FAR2: variants seen among roughly 807,000 people sequenced by gnomAD.
FAR2 encodes the protein fatty acyl-CoA reductase 2, also known as epididymis secretory protein Li 81.
Under a neutral mutation model 56.0 loss-of-function variants are expected in FAR2, and 19 were observed. The ratio of observed to expected loss-of-function variants is 0.34; its 90% CI spans 0.24 to 0.50. FAR2 has a LOEUF of 0.50. Ranked by LOEUF, FAR2 falls within the 20% of genes least tolerant of loss-of-function variation. The pLI, the probability that FAR2 is intolerant of heterozygous loss-of-function variation, is 0.98. For synonymous variants in FAR2, 219 were observed against 218.8 expected, an observed-to-expected ratio of 1.00 and a Z score of -0.01; for missense variants, 508 against 642.2, an observed-to-expected ratio of 0.79 and a Z score of 2.26.
At chr12:29,159,268 G>A (rs1408515367) in intron 1 of FAR2, among the ~76,000 whole-genome samples, 1 of 152,146 alleles carries the variant, frequency 6.6e-6, no homozygotes, top group African/African-American at 2.4e-5. Flanking sequence ...GCCGGGCACG[G>A]TGGCTCATGC....
chr12:29,162,234 C>T (rs971241979), intron 1 of FAR2, among the ~76,000 whole-genome samples: 1 of 152,172 alleles, frequency 6.6e-6, no homozygotes, highest in Non-Finnish European at 1.5e-5. Context: ...AAAAGTTATA[C>T]TATCCATCTG....
rs913846087 is a variant in FAR2 at position 29,240,804 on chromosome 12, T to A, written c.-38-29608T>A. Among the ~76,000 whole-genome samples the A allele has an allele frequency of 4.0e-5, 6 of 151,566 alleles. No individual in the cohort carries two copies. The East Asian group carries it at 7.7e-4, about 20-fold the overall frequency. On this transcript the variant is annotated intron_variant, in intron 1 of 11. Transcript: ENST00000536681. ...TTGTGTGTGTGTGTGTATGTATATT[T>A]TTTTTTATATATTTTTTTTGAGACT...
chr12:29,232,176 A>C (rs1947869824), intron 1 of FAR2, among the ~76,000 whole-genome samples: 1 of 152,154 alleles, frequency 6.6e-6, no homozygotes, highest in Admixed American at 6.5e-5. Context: ...TTCTTCAGAG[A>C]CATTTTCTCA....
chr12:29,258,306 G>A (rs186753343), intron 1 of FAR2, among the ~76,000 whole-genome samples: 1 of 152,180 alleles, frequency 6.6e-6, no homozygotes, highest in Admixed American at 6.5e-5. Flanking sequence ...AGTGAGCCGA[G>A]ATCGCACCAC....
At position 29,302,236 on chromosome 12, in the gene FAR2, GAAAAAA is replaced by G. The variant is rs57752714; in HGVS notation, c.545+5057_545+5062del. ...GACAGAGCGAGACTCCATCTCAAAG[GAAAAAA>G]AAAAAAAAAAAAAAAAAAAAGGTGC... On this transcript the variant is annotated intron_variant, in intron 4 of 11. Transcript: ENST00000536681. 5.4e-3 allele frequency among the ~76,000 whole-genome samples: 500 copies of G among 93,066 alleles called. 2 individuals carry two copies. The highest frequency in any genetic ancestry group is 8.1e-3 in the East Asian group (25 of 3,084). The allele number at this position is 93,066 out of a possible 152,430, so 61.1% of individuals were successfully genotyped here.
At chr12:29,277,639 T>G (rs1318565421) in intron 2 of FAR2, 1 of 152,186 alleles carries the variant, frequency 6.6e-6, no homozygotes, top group Non-Finnish European at 1.5e-5. Flanking sequence ...ACGCCTGCTT[T>G]AAAATTATCT....
chr12:29,308,681 GACACACAGACAC>G (rs1240149531), intron 5 of FAR2, among the ~76,000 whole-genome samples: 1 of 60,796 alleles, frequency 1.6e-5, no homozygotes, highest in Non-Finnish European at 2.9e-5. Flanking sequence ...TATACACACA[GACACACAGACAC>G]ACACACACAC....
rs146154513 is a variant in FAR2 at position 29,215,136 on chromosome 12, T to C, written c.-38-55276T>C. On this transcript the variant is annotated intron_variant, in intron 1 of 11. Coordinates refer to ENST00000536681, the MANE Select transcript of FAR2 (RefSeq NM_001271783.2). Reference sequence around the variant, plus strand: ...CTACAGTGTAGTCATGAGAGAGAAATGGATATGTAATGAGAGACAGCTCAT... The same window carrying C: ...CTACAGTGTAGTCATGAGAGAGAAACGGATATGTAATGAGAGACAGCTCAT... Among the ~76,000 whole-genome samples the C allele has an allele frequency of 3.4e-3, 518 of 152,194 alleles. 6 individuals are homozygous for C. The highest frequency in any genetic ancestry group is 0.012 in the African/African-American group (493 of 41,540).
rs937775552 is a variant in FAR2, at chr12:29,166,135, G to T, written c.-39+16728G>T. Among the ~76,000 whole-genome samples, 18 of 152,310 alleles carry T rather than the reference G, an allele frequency of 1.2e-4. No homozygotes were observed. In the East Asian group the frequency reaches 2.7e-3, roughly 23 times the overall value. ...TTTTTGTGAGAAGATACTGAAATAT[G>T]TGCATGAAATGCTTTGAGAATTGTT... On this transcript the variant is annotated intron_variant, in intron 1 of 11. Coordinates refer to ENST00000536681, the MANE Select transcript of FAR2 (RefSeq NM_001271783.2).
intron 2 of FAR2, among the ~76,000 whole-genome samples, chr12:29,287,251 G>A (rs529640708): frequency 8.5e-5 from 13 of 152,270 alleles, no homozygotes; most frequent in African/African-American, 2.9e-4. Context: ...GCTATATGCC[G>A]AAAGTTGACA....
intron 2 of FAR2, among the ~76,000 whole-genome samples, chr12:29,273,619 C>T (rs940857830): frequency 1.3e-5 from 2 of 152,246 alleles, no homozygotes; most frequent in Admixed American, 1.3e-4. Context: ...TGGCTGCTGC[C>T]CCTCCCCCAA....
chr12:29,213,888 A>G (rs1212110642), intron 1 of FAR2, among the ~76,000 whole-genome samples: 1 of 152,122 alleles, frequency 6.6e-6, no homozygotes. Flanking sequence ...AAGATGGCAA[A>G]CTTTGTGGCA....
intron 1 of FAR2, among the ~76,000 whole-genome samples, chr12:29,261,266 G>C (rs1179742436): frequency 6.6e-6 from 1 of 152,142 alleles, no homozygotes; most frequent in Non-Finnish European, 1.5e-5. Context: ...AGAAATTCTG[G>C]AGCTGAAAAA....
At chr12:29,281,553 A>T (rs1948783265) in intron 2 of FAR2, 1 of 152,222 alleles carries the variant, frequency 6.6e-6, no homozygotes, top group African/African-American at 2.4e-5. Context: ...CTGCAAGAGT[A>T]AAGACGGAAA....
At chr12:29,228,921 C>T (rs1179365038) in intron 1 of FAR2, among the ~76,000 whole-genome samples, 1 of 152,140 alleles carries the variant, frequency 6.6e-6, no homozygotes, top group Non-Finnish European at 1.5e-5. Context: ...AAGAAAAACA[C>T]GGAGACTTAA....
intron 1 of FAR2, among the ~76,000 whole-genome samples, chr12:29,229,263 G>A (rs1433832961): frequency 1.3e-5 from 2 of 152,116 alleles, no homozygotes; most frequent in Non-Finnish European, 2.9e-5. Context: ...AGATCCTTAC[G>A]AAAAACTGAG....
chr12:29,222,977 A>G (rs930084084), intron 1 of FAR2, among the ~76,000 whole-genome samples: 1 of 152,194 alleles, frequency 6.6e-6, no homozygotes, highest in African/African-American at 2.4e-5. Flanking sequence ...ATTCTAGGAA[A>G]TCTGATTAAA....
intron 1 of FAR2, among the ~76,000 whole-genome samples, chr12:29,213,245 T>C (rs1947574472): frequency 6.6e-6 from 1 of 151,940 alleles, no homozygotes; most frequent in African/African-American, 2.4e-5. Context: ...TGAGTAGGAC[T>C]CTAATAATAG....
chr12:29,288,493 TC>T, intron 2 of FAR2, among the ~76,000 whole-genome samples: 1 of 152,194 alleles, frequency 6.6e-6, no homozygotes, highest in Non-Finnish European at 1.5e-5. Flanking sequence ...CATCTATTTT[TC>T]TTACTTTAAT....
Sources: gnomAD v4.1 joint callset for allele counts (sites outside exome capture counted in the v4.1 genomes callset) on GRCh38, gnomAD v4.1.1 for gene constraint, MANE v1.5 for transcripts, NCBI Gene and HGNC (gene_info 2026-07-23, HGNC 2026-07-21) for gene names.